GALNT13: variants seen among roughly 807,000 people sequenced by gnomAD.
The protein encoded by GALNT13 is polypeptide N-acetylgalactosaminyltransferase 13.
A neutral mutation model predicts 64.2 loss-of-function variants in GALNT13; 28 were observed. The ratio of observed to expected loss-of-function variants is 0.44; its 90% CI spans 0.32 to 0.60. GALNT13 has a LOEUF of 0.60. Among genes scored for constraint, GALNT13 ranks in the 20% least tolerant of loss-of-function variants. The pLI, the probability that GALNT13 is intolerant of heterozygous loss-of-function variation, is 0.05. For synonymous variants in GALNT13, 214 were observed against 224.6 expected (o/e 0.95, Z 0.42); for missense variants, 577 against 669.8 (o/e 0.86, Z 1.53).
the GALNT13 span, among the ~76,000 whole-genome samples, chr2:153,452,222 T>A: frequency 6.6e-6 from 1 of 152,222 alleles, no homozygotes; most frequent in African/African-American, 2.4e-5. Context: ...TATGCTTATT[T>A]TCCTGAAATT....
At chr2:154,345,777 T>C (rs1400045066) in intron 9 of GALNT13, among the ~76,000 whole-genome samples, 1 of 152,064 alleles carries the variant, frequency 6.6e-6, no homozygotes, top group East Asian at 1.9e-4. Flanking sequence ...CAGGTACAAA[T>C]GCTCATTTCT....
chr2:153,224,699 T>A, the GALNT13 span, among the ~76,000 whole-genome samples: 2 of 152,182 alleles, frequency 1.3e-5, no homozygotes, highest in Non-Finnish European at 2.9e-5. Context: ...GTTTAAAGGA[T>A]GATAAAAGGA....
chr2:154,229,072 G>A (rs1688777095), intron 4 of GALNT13, among the ~76,000 whole-genome samples: 1 of 151,740 alleles, frequency 6.6e-6, no homozygotes, highest in Admixed American at 6.6e-5. Context: ...CCAACACTGG[G>A]CTGTTCTTAA....
rs1016791620 is a variant in GALNT13 at position 154,029,960 on chromosome 2, A to G, written c.142+85321A>G. ...CAATATGGTTGGTACACCTGAGGACAGAATTATTATACTTGAAAACGGGTA... is the reference window on the plus strand; with the variant it reads ...CAATATGGTTGGTACACCTGAGGACGGAATTATTATACTTGAAAACGGGTA... On this transcript the variant is annotated intron_variant, in intron 3 of 12. Coordinates refer to ENST00000392825, the MANE Select transcript of GALNT13 (RefSeq NM_052917.4). 3.3e-5 allele frequency among the ~76,000 whole-genome samples: 5 copies of G among 152,174 alleles called. No homozygotes were observed. In the East Asian group the frequency reaches 9.6e-4, roughly 29 times the overall value.
At chr2:153,763,079 A>G in the GALNT13 span, among the ~76,000 whole-genome samples, 1 of 151,934 alleles carries the variant, frequency 6.6e-6, no homozygotes, top group Non-Finnish European at 1.5e-5. Flanking sequence ...ATTATTATAT[A>G]ATTTGTATTC....
chr2:153,523,671 C>T, the GALNT13 span, among the ~76,000 whole-genome samples: 1 of 152,136 alleles, frequency 6.6e-6, no homozygotes, highest in Admixed American at 6.5e-5. Context: ...TTGTATCTGG[C>T]AATCATGCTG....
At chr2:154,189,586 AGAACTG>A (rs1686456793) in intron 4 of GALNT13, among the ~76,000 whole-genome samples, 1 of 151,956 alleles carries the variant, frequency 6.6e-6, no homozygotes, top group Admixed American at 6.6e-5. Flanking sequence ...TCCAGTTTCC[AGAACTG>A]TGAGAAAATA....
the GALNT13 span, among the ~76,000 whole-genome samples, chr2:153,829,047 T>G: frequency 2.0e-5 from 3 of 152,152 alleles, no homozygotes; most frequent in African/African-American, 7.2e-5. Context: ...TGAGACAACC[T>G]CAGCCTGGAT....
At chr2:153,681,493 A>G in the GALNT13 span, among the ~76,000 whole-genome samples, 1 of 151,820 alleles carries the variant, frequency 6.6e-6, no homozygotes, top group African/African-American at 2.4e-5. Flanking sequence ...AAGTCTACAA[A>G]TATGTTTATC....
the GALNT13 span, among the ~76,000 whole-genome samples, chr2:153,658,035 T>C: frequency 6.6e-6 from 1 of 152,100 alleles, no homozygotes; most frequent in African/African-American, 2.4e-5. Flanking sequence ...TCTAGACCTT[T>C]TCACATAGGA....
chr2:153,933,649 T>A (rs181570086), intron 2 of GALNT13, among the ~76,000 whole-genome samples: 19 of 152,164 alleles, frequency 1.2e-4, no homozygotes, highest in African/African-American at 4.6e-4. Context: ...TAGCTTGTTA[T>A]GTAAACTTGA....
intron 9 of GALNT13, among the ~76,000 whole-genome samples, chr2:154,323,054 C>T (rs1157822554): frequency 6.6e-6 from 1 of 151,828 alleles, no homozygotes; most frequent in Non-Finnish European, 1.5e-5. Flanking sequence ...TACACAGGAG[C>T]ACAAGAATTC....
intron 9 of GALNT13, among the ~76,000 whole-genome samples, chr2:154,306,234 G>A (rs1366666465): frequency 6.6e-6 from 1 of 151,990 alleles, no homozygotes; most frequent in Non-Finnish European, 1.5e-5. Context: ...CACGTGCCAT[G>A]GTGGTTTGCT....
chr2:153,480,476 T>C, the GALNT13 span, among the ~76,000 whole-genome samples: 2 of 152,164 alleles, frequency 1.3e-5, no homozygotes, highest in South Asian at 4.1e-4. Context: ...CTACCACAAT[T>C]CACTGGCTTA....
chr2:154,133,546 AT>A, intron 3 of GALNT13, among the ~76,000 whole-genome samples: 2 of 20,408 alleles, frequency 9.8e-5, no homozygotes, highest in African/African-American at 2.7e-4. Flanking sequence ...ATATATATAT[AT>A]ATATATATAT....
the GALNT13 span, among the ~76,000 whole-genome samples, chr2:153,325,540 T>C: frequency 1.3e-5 from 2 of 152,214 alleles, no homozygotes; most frequent in Non-Finnish European, 2.9e-5. Flanking sequence ...TTCTGCTAGC[T>C]TTTGAATTCG....
chr2:153,512,411 C>T, the GALNT13 span, among the ~76,000 whole-genome samples: 2 of 152,146 alleles, frequency 1.3e-5, no homozygotes, highest in Admixed American at 1.3e-4. Flanking sequence ...GTGAGGGCTA[C>T]AGACTTTTTA....
chr2:154,329,070 A>G (rs933710034), intron 9 of GALNT13, among the ~76,000 whole-genome samples: 3 of 151,954 alleles, frequency 2.0e-5, no homozygotes, highest in Non-Finnish European at 4.4e-5. Flanking sequence ...ATAGATGTTG[A>G]AAGTGTTTTT....
At chr2:154,032,306 G>A (rs1698387938) in intron 3 of GALNT13, among the ~76,000 whole-genome samples, 1 of 151,932 alleles carries the variant, frequency 6.6e-6, no homozygotes, top group Admixed American at 6.6e-5. Flanking sequence ...ACTTAATGAA[G>A]AAGCCTGTAG....
Sources: allele counts gnomAD v4.1 joint callset (sites outside exome capture counted in the v4.1 genomes callset), GRCh38; gene constraint gnomAD v4.1.1; transcripts MANE v1.5; gene names NCBI Gene and HGNC (gene_info 2026-07-23, HGNC 2026-07-21).